PCDHGB3: variants seen among roughly 807,000 people sequenced by gnomAD.
PCDHGB3 encodes protocadherin gamma subfamily B, 3.
In PCDHGB3, 40 loss-of-function variants were observed where a neutral mutation model predicts 59.2. That is an observed-to-expected ratio of 0.68 (90% CI 0.52 to 0.88). The LOEUF (loss-of-function observed/expected upper bound fraction) is 0.88, where lower values mean the gene tolerates loss of function less well. Among genes scored for constraint, PCDHGB3 ranks in the 40% least tolerant of loss-of-function variants. The pLI is 0.00. For missense variants in PCDHGB3, 1,309 were observed against 1,187.9 expected (o/e 1.10, Z -1.50); for synonymous variants, 581 against 503.6 (o/e 1.15, Z -2.06).
At chr5:141,423,926 T>C (rs925790302) in intron 1 of PCDHGB3, 2 of 1,245,276 alleles carry the variant, frequency 1.6e-6, no homozygotes, top group Non-Finnish European at 2.0e-6. Flanking sequence ...CTATGCTGGT[T>C]TGGTTTGAAG....
chr5:141,511,412 C>A lies in PCDHGB3; in HGVS notation c.*239C>A. 1.1e-6 allele frequency: 1 copy of A among 892,000 alleles called. No homozygotes were observed. Among genetic ancestry groups the A allele is most frequent in the Non-Finnish European group, 1.6e-6 (1 of 609,476 alleles). The allele number at this position is 892,000 out of a possible 1,614,324, so 55.3% of individuals were successfully genotyped here. On this transcript the variant is annotated 3_prime_UTR_variant, in exon 4 of 4. Coordinates refer to ENST00000576222, the MANE Select transcript of PCDHGB3 (RefSeq NM_018924.5). ...AACCCCCATCCAATCAACTGCTGTA[C>A]CCATGGGGGTAGTGGGGTTACTGTA...
At chr5:141,445,020 C>T (rs2098454249) in intron 1 of PCDHGB3, among the ~76,000 whole-genome samples, 1 of 152,130 alleles carries the variant, frequency 6.6e-6, no homozygotes, top group Non-Finnish European at 1.5e-5. Flanking sequence ...TTTAATTTCT[C>T]TCAGCTATGT....
intron 1 of PCDHGB3, chr5:141,408,855 G>A: frequency 6.2e-7 from 1 of 1,613,572 alleles, no homozygotes; most frequent in Non-Finnish European, 8.5e-7. Flanking sequence ...TTGGACGGAG[G>A]GGACCCACCA....
rs780024608 is a variant in PCDHGB3, at chr5:141,376,291, C to T, written c.2415+3482C>T. Reference sequence around the variant, plus strand: ...CGGGAGGTGGCTTAGCGAGCATGCCCGGCTCGCACTTTGTGGGCGTGGAAG... The same window carrying T: ...CGGGAGGTGGCTTAGCGAGCATGCCTGGCTCGCACTTTGTGGGCGTGGAAG... On this transcript the variant is annotated intron_variant, in intron 1 of 3. Coordinates refer to ENST00000576222, the MANE Select transcript of PCDHGB3 (RefSeq NM_018924.5). 8 of 1,614,158 alleles carry T rather than the reference C, an allele frequency of 5.0e-6. No homozygotes were observed. The East Asian group carries it at 6.7e-5, about 13-fold the overall frequency.
chr5:141,419,138 A>G (rs1590146439), intron 1 of PCDHGB3: 1 of 1,613,920 alleles, frequency 6.2e-7, no homozygotes, highest in Non-Finnish European at 8.5e-7. Flanking sequence ...AGCCACAGAC[A>G]GGGGCAAGCC....
chr5:141,376,552 C>G lies in PCDHGB3; in HGVS notation c.2415+3743C>G, dbSNP rs372170088. On this transcript the variant is annotated intron_variant, in intron 1 of 3. Transcript: ENST00000576222. ...AGCGGGAAGAGTAATCTGATCTTCC[C>G]GCAACCCAACTAATCAGACAGGCTC... 3 of 1,611,220 alleles carry G rather than the reference C, an allele frequency of 1.9e-6. No individual in the cohort carries two copies. The African/African-American group carries it at 4.0e-5, about 22-fold the overall frequency.
Position 141,477,350 on chromosome 5 carries a change from A to G in PCDHGB3, c.2416-17457A>G. The G allele has an allele frequency of 6.2e-7, 1 of 1,614,142 alleles. No individual in the cohort carries two copies. Among genetic ancestry groups the G allele is most frequent in the Non-Finnish European group, 8.5e-7 (1 of 1,180,016 alleles). On this transcript the variant is annotated intron_variant, in intron 1 of 3. Transcript: ENST00000576222. The surrounding 1 kb of genome is among the most constrained non-coding windows in gnomAD (Gnocchi z 4.9). ...CAAGAATTACTTCACTTTGAAAACC[A>G]GTGCAGACCTGGATCGGGAGACTGT...
In PCDHGB3 at chr5:141,491,552, G is replaced by A. The variant is rs769927075; in HGVS notation, c.2416-3255G>A. 1 of 1,614,008 alleles carries A rather than the reference G, an allele frequency of 6.2e-7. No individual in the cohort carries two copies. The highest frequency in any genetic ancestry group is 1.7e-5 in the Admixed American group (1 of 60,024). On this transcript the variant is annotated intron_variant, in intron 1 of 3. Coordinates refer to ENST00000576222, the MANE Select transcript of PCDHGB3 (RefSeq NM_018924.5). This position sits in a 1 kb window ranked among gnomAD's most constrained non-coding sequence, Gnocchi z 6.9. Reference sequence around the variant, plus strand: ...ACGCTGCGGCCCACAGACTCGCAGAGCCACTGCTACAGGACGTGCTTTTCA... The same window carrying A: ...ACGCTGCGGCCCACAGACTCGCAGAACCACTGCTACAGGACGTGCTTTTCA...
Position 141,370,552 on chromosome 5 carries a change from A to T in PCDHGB3, c.158A>T (p.Asp53Val). Residue 53 changes from aspartate to valine, a missense_variant, in exon 1 of 4, where the codon GAC becomes GTC. Coordinates refer to ENST00000576222, the MANE Select transcript of PCDHGB3 (RefSeq NM_018924.5). ...TCGCTGGTAGGGAACCTCGCCAAGG[A>T]CCTGGGGTTTGGCGTGGGGGATTTA... Reference protein sequence around the residue: ...RGSLVGNLAKDLGFGVGDLPT... With the variant: ...RGSLVGNLAKVLGFGVGDLPT... 2 of 1,613,806 alleles carry T rather than the reference A, an allele frequency of 1.2e-6. No homozygotes were observed. The highest frequency in any genetic ancestry group is 1.7e-6 in the Non-Finnish European group (2 of 1,179,864).
chr5:141,497,211 G>C (rs914346878), intron 2 of PCDHGB3, among the ~76,000 whole-genome samples: 19 of 28,538 alleles, frequency 6.7e-4, no homozygotes, highest in African/African-American at 2.3e-3. Flanking sequence ...GAGTGTAATG[G>C]GGGGGGGAAG....
intron 1 of PCDHGB3, chr5:141,403,174 T>C: frequency 1.9e-6 from 3 of 1,614,000 alleles, no homozygotes; most frequent in Non-Finnish European, 2.5e-6. Context: ...GGACGCAGCT[T>C]TTCTCTCTGA....
At chr5:141,435,362 C>A (rs2097758711) in intron 1 of PCDHGB3, among the ~76,000 whole-genome samples, 1 of 152,120 alleles carries the variant, frequency 6.6e-6, no homozygotes, top group Admixed American at 6.6e-5. Flanking sequence ...AAAATTTTAT[C>A]ACTTAAATAT....
chr5:141,446,936 C>G (rs935365668), intron 1 of PCDHGB3, among the ~76,000 whole-genome samples: 3 of 152,176 alleles, frequency 2.0e-5, no homozygotes, highest in African/African-American at 7.2e-5. Context: ...CTCTTTTTCA[C>G]TGTAAGAAAC....
chr5:141,376,681 T>TTTTTTG, intron 1 of PCDHGB3: 1 of 745,704 alleles, frequency 1.3e-6, no homozygotes, highest in Non-Finnish European at 2.0e-6. Context: ...GTATCGTTTT[T>TTTTTTG]TTTTTTTTTT....
rs535739297 is a variant in PCDHGB3, at chr5:141,399,960, G to A, written c.2415+27151G>A. ...ACGTGCTGCAGGCTAGCGAGCCCGG[G>A]CTCTTCAGCCTGGGGCTGCGCACAG... On this transcript the variant is annotated intron_variant, in intron 1 of 3. Transcript: ENST00000576222. 8.1e-6 allele frequency: 13 copies of A among 1,612,214 alleles called. No homozygotes were observed. The African/African-American group carries it at 1.6e-4, about 20-fold the overall frequency.
chr5:141,438,254 A>G (rs916664408), intron 1 of PCDHGB3, among the ~76,000 whole-genome samples: 1 of 152,170 alleles, frequency 6.6e-6, no homozygotes, highest in Non-Finnish European at 1.5e-5. Context: ...CTGTCATTGA[A>G]GAGACCATAG....
intron 1 of PCDHGB3, chr5:141,423,809 GT>G (rs1484832928): frequency 7.9e-7 from 1 of 1,259,912 alleles, no homozygotes; most frequent in African/African-American, 1.6e-5. Context: ...ATACATGTGA[GT>G]TTTACTTTGC....
intron 2 of PCDHGB3, among the ~76,000 whole-genome samples, chr5:141,502,165 T>C (rs1017904375): frequency 1.8e-4 from 28 of 152,196 alleles, no homozygotes; most frequent in African/African-American, 6.3e-4. Context: ...AGATATTCAG[T>C]TGAGGAATTT....
intron 1 of PCDHGB3, among the ~76,000 whole-genome samples, chr5:141,455,913 T>C (rs2098837234): frequency 7.2e-6 from 1 of 138,032 alleles, no homozygotes; most frequent in African/African-American, 2.7e-5. Context: ...ATTTATTTAT[T>C]TTGAGACGGA....
Sources: allele counts gnomAD v4.1 joint callset (sites outside exome capture counted in the v4.1 genomes callset), GRCh38; gene constraint gnomAD v4.1.1; non-coding constraint Gnocchi (gnomAD v3.1); transcripts MANE v1.5; gene names NCBI Gene and HGNC (gene_info 2026-07-23, HGNC 2026-07-21).